LEKR1: variants seen among roughly 807,000 people sequenced by gnomAD.
The protein encoded by LEKR1 is protein LEKR1.
In LEKR1, 59 loss-of-function variants were observed where a neutral mutation model predicts 72.4. The ratio of observed to expected loss-of-function variants is 0.82; its 90% CI spans 0.66 to 1.01. The LOEUF (loss-of-function observed/expected upper bound fraction) is 1.01. LEKR1 is among the 50% of genes least tolerant of loss of function. The pLI, the probability that LEKR1 is intolerant of heterozygous loss-of-function variation, is 0.00. For synonymous variants in LEKR1, 257 were observed against 263.2 expected, an observed-to-expected ratio of 0.98 and a Z score of 0.23; for missense variants, 728 against 759.2, an observed-to-expected ratio of 0.96 and a Z score of 0.48.
intron 6 of LEKR1, among the ~76,000 whole-genome samples, chr3:156,952,325 CAT>C (rs1056605098): frequency 6.6e-6 from 1 of 151,326 alleles, no homozygotes; most frequent in African/African-American, 2.4e-5. Flanking sequence ...AACAAAAATG[CAT>C]TTTTGGAATT....
intron 5 of LEKR1, among the ~76,000 whole-genome samples, chr3:156,928,824 A>C (rs2108576018): frequency 6.6e-6 from 1 of 152,236 alleles, no homozygotes; most frequent in South Asian, 2.1e-4. Flanking sequence ...TTAACACTCT[A>C]AGTTTAGCCA....
intron 12 of LEKR1, among the ~76,000 whole-genome samples, chr3:157,040,862 G>A (rs148595422): frequency 1.7e-3 from 265 of 152,218 alleles, no homozygotes; most frequent in African/African-American, 4.2e-3. Flanking sequence ...GCTGATTCCC[G>A]TTGCAAATGG....
At chr3:156,975,333 G>C (rs1475212427) in intron 6 of LEKR1, among the ~76,000 whole-genome samples, 1 of 152,060 alleles carries the variant, frequency 6.6e-6, no homozygotes, top group African/African-American at 2.4e-5. Flanking sequence ...CTGGGTGCCA[G>C]TTCATCTGCC....
chr3:156,954,714 A>G (rs1257485536), intron 6 of LEKR1, among the ~76,000 whole-genome samples: 1 of 151,824 alleles, frequency 6.6e-6, no homozygotes, highest in Admixed American at 6.6e-5. Flanking sequence ...CCATTGTTCT[A>G]TATGTCTGTT....
intron 3 of LEKR1, among the ~76,000 whole-genome samples, chr3:156,864,928 C>G (rs981205787): frequency 6.6e-6 from 1 of 152,032 alleles, no homozygotes; most frequent in Non-Finnish European, 1.5e-5. Flanking sequence ...ATTCTACATT[C>G]TCTCTTCAGT....
chr3:156,850,409 A>G (rs1364749108), intron 2 of LEKR1, among the ~76,000 whole-genome samples: 1 of 152,180 alleles, frequency 6.6e-6, no homozygotes, highest in Non-Finnish European at 1.5e-5. Context: ...AAGATTGGGC[A>G]TGAATTCCAA....
At chr3:156,835,820 G>GCTCC (rs1334425172) in intron 2 of LEKR1, among the ~76,000 whole-genome samples, 2 of 131,900 alleles carry the variant, frequency 1.5e-5, no homozygotes, top group South Asian at 2.6e-4. Context: ...TTCCTTCCTC[G>GCTCC]CTCCCTCCCT....
At chr3:157,029,849 A>T (rs1734475531) in intron 12 of LEKR1, among the ~76,000 whole-genome samples, 1 of 152,190 alleles carries the variant, frequency 6.6e-6, no homozygotes, top group Non-Finnish European at 1.5e-5. Context: ...AGGTTTTCTA[A>T]CTATTCATTC....
In LEKR1 at chr3:156,952,525, G is replaced by GTAGT. The variant is rs1317555878; in HGVS notation, c.745+9812_745+9815dup. On this transcript the variant is annotated intron_variant, in intron 6 of 12. Transcript: ENST00000356539. Reference sequence around the variant, plus strand: ...ATCAATAAAAAACGAAACTACTAAGGTAGTGATTTTCATGTATCAGATTAA... The same window carrying GTAGT: ...ATCAATAAAAAACGAAACTACTAAGGTAGTTAGTGATTTTCATGTATCAGATTAA... Among the ~76,000 whole-genome samples the GTAGT allele has an allele frequency of 5.9e-5, 9 of 151,356 alleles. No individual in the cohort carries two copies. The East Asian group carries it at 1.7e-3, about 29-fold the overall frequency.
chr3:156,901,217 C>CT (rs954756052), intron 3 of LEKR1, among the ~76,000 whole-genome samples: 66 of 150,218 alleles, frequency 4.4e-4, no homozygotes, highest in African/African-American at 1.1e-3. Flanking sequence ...AACGTCATTC[C>CT]TTTTTTTTTT....
At chr3:156,903,745 G>A (rs1722256738) in intron 3 of LEKR1, among the ~76,000 whole-genome samples, 1 of 152,152 alleles carries the variant, frequency 6.6e-6, no homozygotes, top group Non-Finnish European at 1.5e-5. Flanking sequence ...CAGGAAAAGT[G>A]GTTGTCCACA....
chr3:157,022,348 T>C lies in LEKR1; in HGVS notation c.1204-2412T>C, dbSNP rs181945546. Among the ~76,000 whole-genome samples, 609 of 152,248 alleles carry C rather than the reference T, an allele frequency of 4.0e-3. 1 individual carries two copies. The highest frequency in any genetic ancestry group is 6.9e-3 in the Non-Finnish European group (470 of 68,016). On this transcript the variant is annotated intron_variant, in intron 10 of 12. Coordinates refer to ENST00000356539, the MANE Select transcript of LEKR1 (RefSeq NM_001004316.3). ...TTTGTAAAGAATACTGTGCTGTGTG[T>C]AGTAGCATGGGTTGGAGTGAAGCAG...
intron 9 of LEKR1, among the ~76,000 whole-genome samples, chr3:157,010,743 C>T (rs752227363): frequency 1.3e-5 from 2 of 152,044 alleles, no homozygotes; most frequent in South Asian, 4.1e-4. Flanking sequence ...GAAATTCTCT[C>T]TTTAATTTCC....
chr3:157,014,909 G>A (rs948709562), intron 10 of LEKR1, among the ~76,000 whole-genome samples: 4 of 152,166 alleles, frequency 2.6e-5, no homozygotes, highest in African/African-American at 9.7e-5. Context: ...CCACCTCCAT[G>A]TATCTAAATA....
chr3:156,911,114 G>T (rs1029868411), intron 3 of LEKR1, among the ~76,000 whole-genome samples: 2 of 151,968 alleles, frequency 1.3e-5, no homozygotes, highest in East Asian at 1.9e-4. Context: ...TCATATGTTT[G>T]TTGGCTGCTT....
At chr3:156,893,962 C>T (rs1720931750) in intron 3 of LEKR1, among the ~76,000 whole-genome samples, 1 of 152,170 alleles carries the variant, frequency 6.6e-6, no homozygotes, top group South Asian at 2.1e-4. Flanking sequence ...TCTCCCAATT[C>T]TAAAGCAGTG....
At chr3:156,831,966 T>G (rs1480616547) in intron 2 of LEKR1, among the ~76,000 whole-genome samples, 1 of 152,236 alleles carries the variant, frequency 6.6e-6, no homozygotes, top group East Asian at 1.9e-4. Context: ...TACCTTATTT[T>G]TAATCTGTGT....
rs11917198 is a variant in LEKR1, at chr3:157,018,570, C to T, written c.1204-6190C>T. Among the ~76,000 whole-genome samples, 235 of 152,192 alleles carry T rather than the reference C, an allele frequency of 1.5e-3. 1 individual carries two copies. The highest frequency in any genetic ancestry group is 5.3e-3 in the African/African-American group (219 of 41,524). On this transcript the variant is annotated intron_variant, in intron 10 of 12. Coordinates refer to ENST00000356539, the MANE Select transcript of LEKR1 (RefSeq NM_001004316.3). ...TGAAACTAAATAAATACCAAGACCA[C>T]GCCCTGAGCCCACTATGCTGTACAG... is the stretch of plus-strand genomic sequence containing the variant.
At chr3:157,016,836 G>A (rs2108027264) in intron 10 of LEKR1, among the ~76,000 whole-genome samples, 1 of 152,244 alleles carries the variant, frequency 6.6e-6, no homozygotes, top group African/African-American at 2.4e-5. Flanking sequence ...GTAGTGATAT[G>A]TCATTAGAAA....
Sources: allele counts gnomAD v4.1 joint callset (sites outside exome capture counted in the v4.1 genomes callset), GRCh38; gene constraint gnomAD v4.1.1; transcripts MANE v1.5; gene names NCBI Gene and HGNC (gene_info 2026-07-23, HGNC 2026-07-21).